PI4K2A: variants seen among roughly 807,000 people sequenced by gnomAD.
The protein encoded by PI4K2A is phosphatidylinositol 4-kinase type 2 alpha.
Under a neutral mutation model 55.0 loss-of-function variants are expected in PI4K2A, and 20 were observed. That is an observed-to-expected ratio of 0.36 (90% CI 0.26 to 0.53). The LOEUF (loss-of-function observed/expected upper bound fraction) is 0.53. Ranked by LOEUF, PI4K2A falls within the 20% of genes least tolerant of loss-of-function variation. The pLI, the probability that PI4K2A is intolerant of heterozygous loss-of-function variation, is 0.91. For synonymous variants in PI4K2A, 235 were observed against 258.5 expected (o/e 0.91, Z 0.87); for missense variants, 463 against 637.1 (o/e 0.73, Z 2.94).
rs138566390 is a variant in PI4K2A at position 97,643,503 on chromosome 10, A to G, written c.435+2326A>G. ...TCTCTTAATTCTACCTGGCAGGTAA[A>G]GTACTACCATCTCAGTACATAGGCC... On this transcript the variant is annotated intron_variant, in intron 1 of 8. Transcript: ENST00000370631. 2.3e-3 allele frequency among the ~76,000 whole-genome samples: 356 copies of G among 152,300 alleles called. 2 individuals carry two copies. The highest frequency in any genetic ancestry group is 8.0e-3 in the African/African-American group (334 of 41,576).
intron 2 of PI4K2A, among the ~76,000 whole-genome samples, chr10:97,654,420 G>A (rs2041542942): frequency 6.6e-6 from 1 of 151,948 alleles, no homozygotes; most frequent in Non-Finnish European, 1.5e-5. Context: ...AATACTAGAT[G>A]GTAGCATGGA....
intron 8 of PI4K2A, among the ~76,000 whole-genome samples, chr10:97,667,505 C>T (rs900281451): frequency 1.3e-5 from 2 of 152,128 alleles, no homozygotes; most frequent in Non-Finnish European, 2.9e-5. Flanking sequence ...GCCCTGCGCC[C>T]GGCCGTGTTT....
At chr10:97,642,546 G>C (rs189758200) in intron 1 of PI4K2A, among the ~76,000 whole-genome samples, 1 of 151,576 alleles carries the variant, frequency 6.6e-6, no homozygotes, top group African/African-American at 2.4e-5. Context: ...GACTACAGGC[G>C]TGCACCACCA....
At chr10:97,645,261 TC>T (rs2041499446) in intron 1 of PI4K2A, among the ~76,000 whole-genome samples, 1 of 152,098 alleles carries the variant, frequency 6.6e-6, no homozygotes, top group Non-Finnish European at 1.5e-5. Context: ...TTAAAAACAT[TC>T]CTACTAACTG....
At chr10:97,655,054 C>T (rs373362715) in intron 2 of PI4K2A, among the ~76,000 whole-genome samples, 65 of 152,052 alleles carry the variant, frequency 4.3e-4, no homozygotes, top group African/African-American at 1.4e-3. Flanking sequence ...GTTTTGAATA[C>T]GAATAATTTC....
At chr10:97,654,432 C>T (rs900081197) in intron 2 of PI4K2A, among the ~76,000 whole-genome samples, 5 of 151,418 alleles carry the variant, frequency 3.3e-5, no homozygotes, top group African/African-American at 7.3e-5. Flanking sequence ...TAGCATGGAG[C>T]GATAGATGAG....
intron 1 of PI4K2A, among the ~76,000 whole-genome samples, chr10:97,644,976 G>T (rs1262496843): frequency 6.6e-6 from 1 of 151,928 alleles, no homozygotes; most frequent in Non-Finnish European, 1.5e-5. Flanking sequence ...GTCTCAGTGG[G>T]GTCCAAGAAC....
rs753835435 is a variant in PI4K2A at position 97,656,922 on chromosome 10, A to G, written c.870A>G (p.Leu290=). The change falls in exon 4 of 9, where the codon CTA becomes CTG. Residue 290 remains leucine, a synonymous_variant. Coordinates refer to ENST00000370631, the Ensembl canonical transcript of PI4K2A. This position sits in a 1 kb window ranked among gnomAD's most constrained non-coding sequence, Gnocchi z 4.5. ...TTCCTGAGAACACTAACCGGCAACT[A>G]CTGCTCCAGTTTGAGCGGTTGGTGG... 29 of 1,613,982 alleles carry G rather than the reference A, an allele frequency of 1.8e-5. No homozygotes were observed. In the East Asian group the frequency reaches 6.5e-4, roughly 36 times the overall value.
intron 4 of PI4K2A, among the ~76,000 whole-genome samples, chr10:97,660,359 G>A (rs2041576023): frequency 6.8e-6 from 1 of 146,526 alleles, no homozygotes; most frequent in African/African-American, 2.6e-5. Context: ...GCAGTGGCAT[G>A]ATCTTGGCTC....
chr10:97,644,277 G>A (rs2041493520), intron 1 of PI4K2A, among the ~76,000 whole-genome samples: 1 of 152,168 alleles, frequency 6.6e-6, no homozygotes, highest in African/African-American at 2.4e-5. Flanking sequence ...CTTGAGCCTG[G>A]GAGGTGGAGG....
chr10:97,676,228 A>G (rs754158761), exon 9 of PI4K2A: 4 of 152,146 alleles, frequency 2.6e-5, no homozygotes, highest in South Asian at 2.1e-4. Context: ...CTGAAAACCA[A>G]AAGTATTTTC....
intron 4 of PI4K2A, among the ~76,000 whole-genome samples, chr10:97,659,338 A>G (rs1229491066): frequency 6.6e-6 from 1 of 151,800 alleles, no homozygotes; most frequent in Non-Finnish European, 1.5e-5. Flanking sequence ...CTGGCTTGCA[A>G]CTGATTTTTT....
Position 97,656,249 on chromosome 10 carries a change from GAC to G in PI4K2A, c.637-35_637-34del. On this transcript the variant is annotated intron_variant, in intron 2 of 8. Coordinates refer to ENST00000370631, the Ensembl canonical transcript of PI4K2A. The surrounding 1 kb of genome is among the most constrained non-coding windows in gnomAD (Gnocchi z 4.5). ...CATAGTCTTCTGGTTCCTTAAACTT[GAC>G]TCTAACCTTAGTATCTCTTCTCTTT... is the stretch of plus-strand genomic sequence containing the variant. 1 of 1,585,108 alleles carries G rather than the reference GAC, an allele frequency of 6.3e-7. No individual in the cohort carries two copies. Among genetic ancestry groups the G allele is most frequent in the Non-Finnish European group, 8.7e-7 (1 of 1,155,960 alleles).
chr10:97,643,420 A>T (rs1373834034), intron 1 of PI4K2A, among the ~76,000 whole-genome samples: 1 of 151,848 alleles, frequency 6.6e-6, no homozygotes, highest in Non-Finnish European at 1.5e-5. Flanking sequence ...GCTGCATTGG[A>T]AGTGGGTTAG....
exon 1 of PI4K2A, chr10:97,640,776 C>G: frequency 2.7e-6 from 4 of 1,505,982 alleles, no homozygotes; most frequent in Non-Finnish European, 3.6e-6. Context: ...GTCCCCCGAG[C>G]GGGCCCAACC....
chr10:97,660,290 C>T (rs553999883), intron 4 of PI4K2A, among the ~76,000 whole-genome samples: 125 of 143,194 alleles, frequency 8.7e-4, no homozygotes, highest in East Asian at 2.3e-3. Context: ...CGTGAGCCAC[C>T]GCGCCCGGCC....
chr10:97,669,615 CAT>C (rs1257799514), intron 8 of PI4K2A, among the ~76,000 whole-genome samples: 1 of 152,202 alleles, frequency 6.6e-6, no homozygotes, highest in Middle Eastern at 3.2e-3. Flanking sequence ...GTATATCACT[CAT>C]GTGCTTACTT....
chr10:97,640,960 A>G lies in PI4K2A; in HGVS notation c.218A>G (p.Gln73Arg), dbSNP rs1464031990. Residue 73 changes from glutamine (Q) to arginine (R), a missense_variant, in exon 1 of 9, where the codon CAG (glutamine) becomes CGG (arginine). Gln to Arg is a conservative substitution (Grantham distance 43). Coordinates refer to ENST00000370631, the Ensembl canonical transcript of PI4K2A. ...GCCCGGGGCGCGGCGGCCCAGGGCC[A>G]GACCCAAACCGTGGCGGCGCAGGCC... is the stretch of plus-strand genomic sequence containing the variant. 9.3e-6 allele frequency: 14 copies of G among 1,506,994 alleles called. No individual in the cohort carries two copies. In the Admixed American group the frequency reaches 3.0e-4, roughly 32 times the overall value. The allele number at this position is 1,506,994 out of a possible 1,614,324, so 93.4% of individuals were successfully genotyped here. A position where few individuals can be genotyped will look rare whatever the true frequency, so the allele number is the denominator to read the frequency against.
chr10:97,641,237 T>C, intron 1 of PI4K2A, 60 bp downstream of exon 1: 16 of 1,306,070 alleles, frequency 1.2e-5, no homozygotes, highest in African/African-American at 3.0e-5. Flanking sequence ...TCCTGGGGAG[T>C]TGGGGGCTTC....
Sources: allele counts gnomAD v4.1 joint callset (sites outside exome capture counted in the v4.1 genomes callset), GRCh38; gene constraint gnomAD v4.1.1; non-coding constraint Gnocchi (gnomAD v3.1); transcripts MANE v1.5; gene names NCBI Gene and HGNC (gene_info 2026-07-23, HGNC 2026-07-21).